RGL1: variants seen among roughly 807,000 people sequenced by gnomAD.
The protein encoded by RGL1 is ral guanine nucleotide dissociation stimulator like 1.
In RGL1, 24 loss-of-function variants were observed where a neutral mutation model predicts 95.2. The ratio of observed to expected loss-of-function variants is 0.25; its 90% CI spans 0.18 to 0.35. The LOEUF (loss-of-function observed/expected upper bound fraction) is 0.35. Among genes scored for constraint, RGL1 ranks in the 10% least tolerant of loss-of-function variants. The pLI, the probability that RGL1 is intolerant of heterozygous loss-of-function variation, is 1.00. For missense variants in RGL1, 715 were observed against 936.3 expected, an observed-to-expected ratio of 0.76 and a Z score of 3.08; for synonymous variants, 329 against 344.9, an observed-to-expected ratio of 0.95 and a Z score of 0.51.
chr1:183,911,946 T>C, intron 14 of RGL1, 136 bp from the exon 15 acceptor site: 1 of 715,368 alleles, frequency 1.4e-6, no homozygotes, highest in South Asian at 1.9e-5. Context: ...TTATAGCGAA[T>C]GTCCTCCTAA....
intron 16 of RGL1, among the ~76,000 whole-genome samples, chr1:183,917,751 T>C (rs945672170): frequency 6.6e-6 from 1 of 152,230 alleles, no homozygotes; most frequent in Non-Finnish European, 1.5e-5. Context: ...TGCAAAATAA[T>C]AGAGCCAAGA....
intron 1 of RGL1, among the ~76,000 whole-genome samples, chr1:183,705,890 A>G (rs1654883454): frequency 6.6e-6 from 1 of 152,162 alleles, no homozygotes; most frequent in South Asian, 2.1e-4. Context: ...CTTTAGGCCT[A>G]TGAGAGCTGC....
At chr1:183,891,237 G>A (rs1667398387) in intron 8 of RGL1, among the ~76,000 whole-genome samples, 1 of 151,904 alleles carries the variant, frequency 6.6e-6, no homozygotes, top group Non-Finnish European at 1.5e-5. Flanking sequence ...CATATATAGT[G>A]ATATTGCCCC....
At chr1:183,799,157 C>A (rs1660854967) in intron 2 of RGL1, among the ~76,000 whole-genome samples, 1 of 152,124 alleles carries the variant, frequency 6.6e-6, no homozygotes, top group African/African-American at 2.4e-5. Context: ...CTGCCTCGGC[C>A]TCCCAAAGTG....
At position 183,732,795 on chromosome 1, in the gene RGL1, A is replaced by G. The variant is rs1455920630; in HGVS notation, c.-32-9331A>G. ...AAAGAAAAAAAATAGGTTCTAATTG[A>G]GTAACCATTGAATGTATCCCAGTAA... On this transcript the variant is annotated intron_variant, in intron 1 of 18. Coordinates refer to the RGL1 transcript ENST00000304685. Among the ~76,000 whole-genome samples, 3 of 152,190 alleles carry G rather than the reference A, an allele frequency of 2.0e-5. No individual in the cohort carries two copies. In the East Asian group the frequency reaches 5.8e-4, roughly 29 times the overall value.
chr1:183,794,055 G>GACACAC (rs147087444), intron 2 of RGL1, among the ~76,000 whole-genome samples: 4,477 of 145,996 alleles, frequency 0.031, 99 homozygotes, highest in Non-Finnish European at 0.047. Flanking sequence ...AGAAAATGTG[G>GACACAC]ACACACACAC....
intron 1 of RGL1, among the ~76,000 whole-genome samples, chr1:183,658,577 C>T (rs1651367802): frequency 6.6e-6 from 1 of 152,136 alleles, no homozygotes; most frequent in South Asian, 2.1e-4. Flanking sequence ...GGGTGGAGCC[C>T]ACCACAGCTC....
intron 14 of RGL1, among the ~76,000 whole-genome samples, chr1:183,908,587 T>C (rs1668472579): frequency 6.6e-6 from 1 of 152,120 alleles, no homozygotes; most frequent in South Asian, 2.1e-4. Context: ...TTTGCAGATA[T>C]GGGGGAATGA....
intron 16 of RGL1, among the ~76,000 whole-genome samples, chr1:183,919,539 A>C (rs948486969): frequency 6.6e-6 from 1 of 152,238 alleles, no homozygotes; most frequent in Non-Finnish European, 1.5e-5. Context: ...CATAGATTGC[A>C]CACTGAGAAC....
intron 2 of RGL1, among the ~76,000 whole-genome samples, chr1:183,781,520 G>T (rs1412290200): frequency 6.6e-6 from 1 of 152,096 alleles, no homozygotes; most frequent in Non-Finnish European, 1.5e-5. Flanking sequence ...ACTCCACTCT[G>T]TTAAGCTATT....
chr1:183,864,149 AG>A (rs1665684801), intron 3 of RGL1, among the ~76,000 whole-genome samples: 1 of 152,222 alleles, frequency 6.6e-6, no homozygotes, highest in South Asian at 2.1e-4. Flanking sequence ...GGAAACTTGT[AG>A]TACAAACCAC....
intron 2 of RGL1, among the ~76,000 whole-genome samples, chr1:183,749,244 G>A (rs373670227): frequency 5.5e-4 from 83 of 152,266 alleles, no homozygotes; most frequent in African/African-American, 2.0e-3. Context: ...CTGTTATTTT[G>A]TGGGAGTCTA....
chr1:183,900,110 C>G (rs771326350), intron 10 of RGL1, 40 bp from the exon 11 acceptor site: 7 of 1,550,702 alleles, frequency 4.5e-6, no homozygotes, highest in Non-Finnish European at 5.3e-6. Context: ...CTCAACTTTT[C>G]AATGACAATA....
intron 3 of RGL1, among the ~76,000 whole-genome samples, chr1:183,862,514 T>C (rs1337629962): frequency 6.6e-6 from 1 of 152,280 alleles, no homozygotes; most frequent in Non-Finnish European, 1.5e-5. Flanking sequence ...TTTTGCATTT[T>C]AATAGTTTTT....
In RGL1 at chr1:183,916,490, A is replaced by G. The variant is rs1216801393; in HGVS notation, c.1793A>G (p.Asp598Gly). The change falls in exon 16 of 18, where the codon GAC becomes GGC. Residue 598 changes from aspartate (D) to glycine (G), a missense_variant. Coordinates refer to ENST00000360851, the MANE Select transcript of RGL1 (RefSeq NM_001297671.3). ...TCCTGTTCTTCTATCCATTCCATGGACACAAATTCCTCAGGGATGTCTTCC... is the reference window on the plus strand; with the variant it reads ...TCCTGTTCTTCTATCCATTCCATGGGCACAAATTCCTCAGGGATGTCTTCC... ...SSSCSSIHSM[D>G]TNSSGMSSLI... The G allele has an allele frequency of 5.6e-6, 9 of 1,613,512 alleles. No homozygotes were observed. The highest frequency in any genetic ancestry group is 7.6e-6 in the Non-Finnish European group (9 of 1,179,940).
intron 17 of RGL1, among the ~76,000 whole-genome samples, chr1:183,925,134 A>G (rs958908263): frequency 4.6e-5 from 7 of 152,334 alleles, no homozygotes; most frequent in Admixed American, 1.3e-4. Flanking sequence ...ATATTAAAAG[A>G]AGGGGATATT....
chr1:183,736,631 G>A (rs1047826456), intron 1 of RGL1, among the ~76,000 whole-genome samples: 23 of 152,176 alleles, frequency 1.5e-4, no homozygotes, highest in African/African-American at 4.8e-4. Flanking sequence ...ATCTGGACAG[G>A]ACCTCAGCTC....
chr1:183,770,384 G>A (rs1350886129), intron 2 of RGL1, among the ~76,000 whole-genome samples: 2 of 152,150 alleles, frequency 1.3e-5, no homozygotes, highest in East Asian at 3.8e-4. Flanking sequence ...TTAGGCAGCT[G>A]CCTAGGAGGG....
chr1:183,662,750 C>T (rs1040414403), intron 1 of RGL1, among the ~76,000 whole-genome samples: 2 of 152,100 alleles, frequency 1.3e-5, no homozygotes, highest in Non-Finnish European at 2.9e-5. Context: ...GCCCGCATTG[C>T]CAAGTCAATC....
Sources: allele counts gnomAD v4.1 joint callset (sites outside exome capture counted in the v4.1 genomes callset), GRCh38; gene constraint gnomAD v4.1.1; transcripts MANE v1.5; gene names NCBI Gene and HGNC (gene_info 2026-07-23, HGNC 2026-07-21).